TEX2: variants seen among roughly 807,000 people sequenced by gnomAD.
The protein encoded by TEX2 is testis-expressed protein 2.
A neutral mutation model predicts 106.9 loss-of-function variants in TEX2; 53 were observed. The ratio of observed to expected loss-of-function variants is 0.50; its 90% confidence interval spans 0.40 to 0.62. The LOEUF is 0.62. Ranked by LOEUF, TEX2 falls within the 20% of genes least tolerant of loss-of-function variation. The pLI is 0.00. For missense variants in TEX2, 1,207 were observed against 1,379.0 expected, an observed-to-expected ratio of 0.88 and a Z score of 1.98; for synonymous variants, 523 against 534.8, an observed-to-expected ratio of 0.98 and a Z score of 0.30.
chr17:64,222,797 A>G lies in TEX2; in HGVS notation c.-25-8555T>C, dbSNP rs529083582. Among the ~76,000 whole-genome samples the G allele has an allele frequency of 4.5e-5, 6 of 133,084 alleles. No individual in the cohort carries two copies. In the South Asian group the frequency reaches 1.6e-3, roughly 36 times the overall value. The allele number at this position is 133,084 out of a possible 152,430, so 87.3% of individuals were successfully genotyped here. Reference sequence around the variant, plus strand: ...TTAAGTTATAAGATAATAGATGTAAATGTATTTATGCTCCCATACATTTGG... The same window carrying G: ...TTAAGTTATAAGATAATAGATGTAAGTGTATTTATGCTCCCATACATTTGG... On this transcript the variant is annotated intron_variant, in intron 1 of 11. Transcript: ENST00000584379.
intron 1 of TEX2, among the ~76,000 whole-genome samples, chr17:64,219,066 C>A (rs1555632976): frequency 1.3e-5 from 2 of 151,926 alleles, no homozygotes. Flanking sequence ...GAATGGTAAG[C>A]ACATAACCAA....
rs1031184234 is a variant in TEX2, at chr17:64,148,635, A to G, written c.*334T>C. ...GAGGAGTAGAGGAGGCAAGTTGTTC[A>G]GCTTTGCTCTTACTGTGCTCATTTG... On this transcript the variant is annotated 3_prime_UTR_variant, in exon 12 of 12. Transcript: ENST00000584379. 6 of 228,284 alleles carry G rather than the reference A, an allele frequency of 2.6e-5. No individual in the cohort carries two copies. Among genetic ancestry groups the G allele is most frequent in the African/African-American group, 1.4e-4 (6 of 43,478 alleles). The allele number at this position is 228,284 out of a possible 1,614,324, so 14.1% of individuals were successfully genotyped here. A position where few individuals can be genotyped will look rare whatever the true frequency, so the allele number is the denominator to read the frequency against.
rs146105070 is a variant in TEX2, at chr17:64,188,436, G to A, written c.2177-21C>T. ...AAGCCCTGGAGCCAAGAAGACGGGG[G>A]CTATTCACACAATGAAGAAAACAAC... On this transcript the variant is annotated intron_variant, in intron 4 of 11. Coordinates refer to ENST00000584379, the MANE Select transcript of TEX2 (RefSeq NM_001288732.2). 2.5e-5 allele frequency: 41 copies of A among 1,612,864 alleles called. No homozygotes were observed. In the African/African-American group the frequency reaches 3.6e-4, roughly 14 times the overall value.
At chr17:64,188,684 T>C (rs2143863777) in intron 4 of TEX2, among the ~76,000 whole-genome samples, 1 of 151,712 alleles carries the variant, frequency 6.6e-6, no homozygotes, top group Non-Finnish European at 1.5e-5. Flanking sequence ...GGCGTGGTGG[T>C]GGGCGCCGGT....
rs572564946 is a variant in TEX2, at chr17:64,215,125, A to C, written c.-25-883T>G. Among the ~76,000 whole-genome samples the C allele has an allele frequency of 2.0e-5, 3 of 152,322 alleles. No individual in the cohort carries two copies. In the South Asian group the frequency reaches 6.2e-4, roughly 32 times the overall value. On this transcript the variant is annotated intron_variant, in intron 1 of 11. Coordinates refer to ENST00000584379, the MANE Select transcript of TEX2 (RefSeq NM_001288732.2). ...GGAGCTTAGCTGGAACGAAGTCAGAAGCCTGAAAAGCTGGGCAGCAAAACA... is the reference window on the plus strand; with the variant it reads ...GGAGCTTAGCTGGAACGAAGTCAGACGCCTGAAAAGCTGGGCAGCAAAACA...
Position 64,212,976 on chromosome 17 carries a change from T to C in TEX2, c.1242A>G (p.Glu414=), listed in dbSNP as rs374936899. The C allele has an allele frequency of 1.8e-5, 29 of 1,614,262 alleles. No individual in the cohort carries two copies. The African/African-American group carries it at 3.6e-4, about 20-fold the overall frequency. ...KCSLSALVSK[E]DEEFCELYTE... is the part of the protein sequence containing the mutation. Reference sequence around the variant, plus strand: ...TGTACAGTTCACAAAACTCTTCATCTTCTTTGCTCACTAAGGCAGACAAAG... The same window carrying C: ...TGTACAGTTCACAAAACTCTTCATCCTCTTTGCTCACTAAGGCAGACAAAG... The change falls in exon 2 of 12, where the codon GAA becomes GAG. Residue 414 remains glutamate, a synonymous_variant. Transcript: ENST00000584379.
chr17:64,215,164 A>C (rs1179638683), intron 1 of TEX2, among the ~76,000 whole-genome samples: 2 of 152,214 alleles, frequency 1.3e-5, no homozygotes, highest in African/African-American at 2.4e-5. Context: ...TGCCACGCCC[A>C]CCTTGTGACA....
intron 1 of TEX2, among the ~76,000 whole-genome samples, chr17:64,216,370 T>C (rs1189574945): frequency 6.6e-6 from 1 of 152,250 alleles, no homozygotes; most frequent in Non-Finnish European, 1.5e-5. Flanking sequence ...TTGATAATTC[T>C]CAGTGGGCTG....
At chr17:64,175,890 C>A (rs2031597908) in intron 6 of TEX2, among the ~76,000 whole-genome samples, 1 of 152,196 alleles carries the variant, frequency 6.6e-6, no homozygotes, top group Non-Finnish European at 1.5e-5. Flanking sequence ...TCGAGATAGA[C>A]CCTGGGAAAA....
intron 4 of TEX2, among the ~76,000 whole-genome samples, chr17:64,189,341 C>A (rs912490588): frequency 6.6e-6 from 1 of 152,210 alleles, no homozygotes; most frequent in Admixed American, 6.5e-5. Flanking sequence ...ACTTTCACAG[C>A]AGTGACATCT....
At chr17:64,154,758 G>A in intron 9 of TEX2, 84 bp downstream of exon 9, 2 of 1,396,596 alleles carry the variant, frequency 1.4e-6, no homozygotes, top group Non-Finnish European at 1.9e-6. Context: ...AGATCACAGA[G>A]GAAGGAAGGG....
intron 2 of TEX2, among the ~76,000 whole-genome samples, chr17:64,206,268 G>T (rs568654636): frequency 2.6e-5 from 4 of 152,304 alleles, no homozygotes; most frequent in African/African-American, 9.6e-5. Flanking sequence ...GATGCCATTG[G>T]TCTGTGGCAC....
chr17:64,184,854 CT>C (rs1283943248), intron 5 of TEX2, among the ~76,000 whole-genome samples: 1 of 152,150 alleles, frequency 6.6e-6, no homozygotes, highest in Non-Finnish European at 1.5e-5. Flanking sequence ...TTTCTCTCCA[CT>C]GATTTGTTTT....
At chr17:64,157,605 G>A (rs189671277) in intron 8 of TEX2, among the ~76,000 whole-genome samples, 2 of 152,334 alleles carry the variant, frequency 1.3e-5, no homozygotes, top group Admixed American at 1.3e-4. Flanking sequence ...AAATTAAGAA[G>A]CCCTGTGAGA....
At position 64,184,799 on chromosome 17, in the gene TEX2, CAT is replaced by C. The variant is rs532243706; in HGVS notation, c.2424+3367_2424+3368del. ...AGAGGGCCAGCTCCATTCTCTTGCC[CAT>C]AGATATCCAGTTGTTCCCGCACCTT... On this transcript the variant is annotated intron_variant, in intron 5 of 11. Coordinates refer to ENST00000584379, the MANE Select transcript of TEX2 (RefSeq NM_001288732.2). Among the ~76,000 whole-genome samples the C allele has an allele frequency of 3.9e-5, 6 of 152,298 alleles. No homozygotes were observed. In the South Asian group the frequency reaches 1.0e-3, roughly 26 times the overall value.
At chr17:64,175,858 C>T (rs1187043266) in intron 6 of TEX2, among the ~76,000 whole-genome samples, 2 of 152,192 alleles carry the variant, frequency 1.3e-5, no homozygotes, top group Admixed American at 1.3e-4. Flanking sequence ...CAGGGAAGGG[C>T]CCCTCTTGCT....
At chr17:64,221,322 CTGCA>C (rs1374211575) in intron 1 of TEX2, among the ~76,000 whole-genome samples, 1 of 152,084 alleles carries the variant, frequency 6.6e-6, no homozygotes, top group Non-Finnish European at 1.5e-5. Flanking sequence ...GTTAACAAAC[CTGCA>C]AGTCCTGCAC....
At chr17:64,196,956 G>A (rs535224193) in intron 2 of TEX2, among the ~76,000 whole-genome samples, 3 of 147,746 alleles carry the variant, frequency 2.0e-5, no homozygotes, top group East Asian at 2.0e-4. Flanking sequence ...GCTACATCAC[G>A]GAAATCAGGG....
At chr17:64,159,260 T>C (rs1312612656) in intron 8 of TEX2, among the ~76,000 whole-genome samples, 1 of 152,226 alleles carries the variant, frequency 6.6e-6, no homozygotes, top group African/African-American at 2.4e-5. Flanking sequence ...AAGGGCTCCT[T>C]GCACAAACGC....
Sources: gnomAD v4.1 joint callset for allele counts (sites outside exome capture counted in the v4.1 genomes callset) on GRCh38, gnomAD v4.1.1 for gene constraint, MANE v1.5 for transcripts, NCBI Gene and HGNC (gene_info 2026-07-23, HGNC 2026-07-21) for gene names.